DLGAP1: variants seen among roughly 807,000 people sequenced by gnomAD.
DLGAP1 encodes the protein disks large-associated protein 1.
DLGAP1 carries 11 observed loss-of-function variants against 90.8 expected under a neutral mutation model. That is an observed-to-expected ratio of 0.12 (90% CI 0.08 to 0.20). DLGAP1 has a LOEUF of 0.20. Ranked by LOEUF, DLGAP1 falls within the 10% of genes least tolerant of loss-of-function variation. The probability of loss-of-function intolerance (pLI) is 1.00; values close to 1 mark genes in which losing one functional copy is unlikely to be tolerated. For missense variants in DLGAP1, 1,050 were observed against 1,333.8 expected (o/e 0.79, Z 3.31); for synonymous variants, 558 against 540.7 (o/e 1.03, Z -0.44).
chr18:4,122,153 TAGC>T (rs2076162806), intron 2 of DLGAP1, among the ~76,000 whole-genome samples: 1 of 152,162 alleles, frequency 6.6e-6, no homozygotes, highest in African/African-American at 2.4e-5. Context: ...GATGGTGTAG[TAGC>T]AGCTCCATAG....
intron 3 of DLGAP1, among the ~76,000 whole-genome samples, chr18:3,979,947 C>T (rs192899361): frequency 0.011 from 1,614 of 152,172 alleles, 8 homozygotes; most frequent in Non-Finnish European, 0.014. Context: ...ACCAGCCTGG[C>T]CAACATGGTG....
chr18:3,617,119 C>G lies in DLGAP1; in HGVS notation c.1592-34871G>C, dbSNP rs1186144163. Among the ~76,000 whole-genome samples, 3 of 152,210 alleles carry G rather than the reference C, an allele frequency of 2.0e-5. No individual in the cohort carries two copies. In the East Asian group the frequency reaches 5.8e-4, roughly 29 times the overall value. On this transcript the variant is annotated intron_variant, in intron 7 of 12. Coordinates refer to ENST00000315677, the MANE Select transcript of DLGAP1 (RefSeq NM_004746.4). Reference sequence around the variant, plus strand: ...CAGAACTACCCCGCCAAAGCTCTCCCCAAATTCCTGACCCCCAGAGACTGA... The same window carrying G: ...CAGAACTACCCCGCCAAAGCTCTCCGCAAATTCCTGACCCCCAGAGACTGA...
At chr18:3,955,043 T>C (rs1193185265) in intron 3 of DLGAP1, among the ~76,000 whole-genome samples, 2 of 152,040 alleles carry the variant, frequency 1.3e-5, no homozygotes, top group Admixed American at 1.3e-4. Flanking sequence ...AACCGGCAAA[T>C]GCATGTGAAG....
chr18:3,787,258 C>T (rs368722895), intron 5 of DLGAP1, among the ~76,000 whole-genome samples: 10 of 151,720 alleles, frequency 6.6e-5, no homozygotes, highest in East Asian at 3.9e-4. Context: ...CCGAGGCGGG[C>T]GGATCACAAG....
chr18:4,179,470 A>G (rs944630329), intron 1 of DLGAP1, among the ~76,000 whole-genome samples: 2 of 152,222 alleles, frequency 1.3e-5, no homozygotes, highest in African/African-American at 4.8e-5. Flanking sequence ...TTTTGTTATT[A>G]TTGTTCTTAT....
At chr18:3,931,992 T>C (rs1599177273) in intron 3 of DLGAP1, among the ~76,000 whole-genome samples, 1 of 152,134 alleles carries the variant, frequency 6.6e-6, no homozygotes, top group South Asian at 2.1e-4. Context: ...TCTCACTCTC[T>C]TGTTCCTGCT....
intron 11 of DLGAP1, among the ~76,000 whole-genome samples, chr18:3,507,741 T>TTG (rs994117785): frequency 7.1e-6 from 1 of 141,040 alleles, no homozygotes; most frequent in African/African-American, 2.6e-5. Flanking sequence ...TGAAGGTTTT[T>TTG]TTTTTTTTTT....
chr18:3,541,917 A>AG (rs1159084724), intron 9 of DLGAP1, among the ~76,000 whole-genome samples: 96 of 150,754 alleles, frequency 6.4e-4, no homozygotes, highest in Middle Eastern at 6.8e-3. Context: ...AAAAAAAAAA[A>AG]GGGGTAACAG....
rs1455565607 is a variant in DLGAP1, at chr18:3,814,271, A to G, written c.960T>C (p.Val320=). The stretch of plus-strand genomic sequence containing the variant: ...TGTACCCTGTCCATTCATCTTGTGG[A>G]ACCTATTCAGATAGAAAACAGATAA... ...QQERSCQYLQ[V]PQDEWTGYTP... is the part of the protein sequence containing the mutation. The change falls in exon 5 of 13, where the codon GTT becomes GTC. Residue 320 remains valine, a splice_region_variant and synonymous_variant. Transcript: ENST00000315677. The G allele has an allele frequency of 1.2e-6, 2 of 1,613,734 alleles. No individual in the cohort carries two copies. Among genetic ancestry groups the G allele is most frequent in the African/African-American group, 2.7e-5 (2 of 74,854 alleles).
At chr18:4,273,280 C>A (rs1483031061) in intron 1 of DLGAP1, among the ~76,000 whole-genome samples, 1 of 152,188 alleles carries the variant, frequency 6.6e-6, no homozygotes, top group Non-Finnish European at 1.5e-5. Flanking sequence ...ACCCTCCATG[C>A]ACCCTGCCTC....
intron 1 of DLGAP1, among the ~76,000 whole-genome samples, chr18:4,370,288 G>A (rs1443954147): frequency 1.3e-5 from 2 of 152,154 alleles, no homozygotes; most frequent in Non-Finnish European, 2.9e-5. Context: ...GCAGGAAAGA[G>A]ATGATAACAC....
At chr18:4,259,035 A>C (rs1400202468) in intron 1 of DLGAP1, among the ~76,000 whole-genome samples, 1 of 152,210 alleles carries the variant, frequency 6.6e-6, no homozygotes, top group Non-Finnish European at 1.5e-5. Flanking sequence ...CAAAGCACCT[A>C]GATATATTTG....
chr18:3,561,775 A>T (rs1256922482), intron 9 of DLGAP1, among the ~76,000 whole-genome samples: 1 of 150,842 alleles, frequency 6.6e-6, no homozygotes, highest in African/African-American at 2.5e-5. Context: ...AAGCCTCGCT[A>T]TGTTGCTATT....
intron 6 of DLGAP1, among the ~76,000 whole-genome samples, chr18:3,737,390 A>C (rs868687178): frequency 3.4e-5 from 5 of 146,952 alleles, no homozygotes; most frequent in African/African-American, 1.0e-4. Flanking sequence ...TACTGGCAAA[A>C]CGAATCCAGC....
intron 1 of DLGAP1, among the ~76,000 whole-genome samples, chr18:4,347,162 G>C (rs2081315717): frequency 6.6e-6 from 1 of 152,056 alleles, no homozygotes; most frequent in African/African-American, 2.4e-5. Context: ...AATGGAGAAA[G>C]TTTAAAGAGA....
intron 3 of DLGAP1, among the ~76,000 whole-genome samples, chr18:3,968,735 C>T (rs903578592): frequency 1.3e-5 from 2 of 152,082 alleles, no homozygotes; most frequent in South Asian, 2.1e-4. Flanking sequence ...AAATGCCTTT[C>T]CTGAAAACTG....
chr18:3,548,625 G>C (rs1193072793), intron 9 of DLGAP1, among the ~76,000 whole-genome samples: 1 of 152,086 alleles, frequency 6.6e-6, no homozygotes, highest in African/African-American at 2.4e-5. Flanking sequence ...AAATTAGCTG[G>C]GCGTGGTGGT....
At chr18:3,985,433 TCA>T (rs1355264405) in intron 3 of DLGAP1, among the ~76,000 whole-genome samples, 2 of 152,098 alleles carry the variant, frequency 1.3e-5, no homozygotes, top group African/African-American at 4.8e-5. Context: ...ATTTTGAATC[TCA>T]CTTTTCATTA....
chr18:3,718,828 A>G (rs1480827582), intron 7 of DLGAP1, among the ~76,000 whole-genome samples: 1 of 150,058 alleles, frequency 6.7e-6, no homozygotes, highest in African/African-American at 2.5e-5. Context: ...CAGGAGGCTG[A>G]GGCAGGAGAA....
Sources: gnomAD v4.1 joint callset for allele counts (sites outside exome capture counted in the v4.1 genomes callset) on GRCh38, gnomAD v4.1.1 for gene constraint, MANE v1.5 for transcripts, NCBI Gene and HGNC (gene_info 2026-07-23, HGNC 2026-07-21) for gene names.